Variants in CFI observed in about 807,000 individuals in gnomAD.
CFI encodes complement factor I.
CFI carries 66 observed loss-of-function variants against 78.8 expected under a neutral mutation model. The observed-to-expected ratio is 0.84, with a 90% CI of 0.69 to 1.03. CFI has a LOEUF of 1.03. Among genes scored for constraint, CFI ranks in the 50% least tolerant of loss-of-function variants. CFI has a pLI of 0.00. For missense variants in CFI, 706 were observed against 704.5 expected (o/e 1.00, Z -0.02); for synonymous variants, 250 against 232.6 (o/e 1.07, Z -0.68).
chr4:109,770,633 G>GAAAAAA (rs370657391), intron 1 of CFI, among the ~76,000 whole-genome samples: 2 of 78,304 alleles, frequency 2.6e-5, no homozygotes, highest in Non-Finnish European at 5.5e-5. Flanking sequence ...ACACAGACCA[G>GAAAAAA]AAAAAAAAAA....
In CFI at chr4:109,749,486, C is replaced by T; in HGVS notation, c.1044+13G>A. On this transcript the variant is annotated intron_variant, in intron 9 of 12. Transcript: ENST00000394634. Reference sequence around the variant, plus strand: ...TCTGGGCAGTTGCATTGTGACTTTTCATGCGACTTTACCAGTTGTGCTCGC... The same window carrying T: ...TCTGGGCAGTTGCATTGTGACTTTTTATGCGACTTTACCAGTTGTGCTCGC... 1 of 1,603,864 alleles carries T rather than the reference C, an allele frequency of 6.2e-7. No homozygotes were observed. Among genetic ancestry groups the T allele is most frequent in the East Asian group, 2.2e-5 (1 of 44,822 alleles).
intron 12 of CFI, 125 bp from the exon 13 acceptor site, chr4:109,741,235 T>A: frequency 6.5e-7 from 1 of 1,541,700 alleles, no homozygotes; most frequent in Non-Finnish European, 8.7e-7. Flanking sequence ...TAGCATGGGC[T>A]CTCCTTAGAG....
downstream of CFI, among the ~76,000 whole-genome samples, chr4:109,735,946 C>T (rs1415842231): frequency 6.6e-6 from 1 of 152,246 alleles, no homozygotes; most frequent in Non-Finnish European, 1.5e-5. Flanking sequence ...CAGGATTACA[C>T]ATGACCGTTG....
At chr4:109,770,480 C>A (rs898725511) in intron 1 of CFI, among the ~76,000 whole-genome samples, 1 of 151,372 alleles carries the variant, frequency 6.6e-6, no homozygotes, top group Admixed American at 6.6e-5. Context: ...CACTTGAACC[C>A]GGGAGGTGGA....
chr4:109,742,418 T>C (rs1723910855), intron 12 of CFI, 73 bp downstream of exon 12: 1 of 990,812 alleles, frequency 1.0e-6, no homozygotes, highest in Non-Finnish European at 1.6e-6. Flanking sequence ...TGGGGGCTGA[T>C]GTGGTGGGAG....
intron 7 of CFI, among the ~76,000 whole-genome samples, chr4:109,753,693 G>T (rs1725694244): frequency 1.8e-5 from 2 of 112,770 alleles, no homozygotes; most frequent in Non-Finnish European, 3.3e-5. Flanking sequence ...ATTATATAAT[G>T]TATAATTTTA....
intron 1 of CFI, chr4:109,793,881 C>CT (rs1731693037): frequency 3.3e-5 from 5 of 152,324 alleles, no homozygotes; most frequent in African/African-American, 1.2e-4. Context: ...CCTTCAGCCT[C>CT]TATTTATCTG....
downstream of CFI, among the ~76,000 whole-genome samples, chr4:109,736,971 T>C (rs1579140417): frequency 6.6e-6 from 1 of 152,152 alleles, no homozygotes; most frequent in African/African-American, 2.4e-5. Context: ...ATTATCCTAG[T>C]CTCAAATCCC....
chr4:109,735,675 A>G, the CFI span, among the ~76,000 whole-genome samples: 2 of 152,250 alleles, frequency 1.3e-5, no homozygotes, highest in Non-Finnish European at 2.9e-5. Context: ...AATTCCATCC[A>G]TAATGATTAA....
chr4:109,745,987 G>T (rs1175786229), intron 11 of CFI, among the ~76,000 whole-genome samples: 2 of 152,162 alleles, frequency 1.3e-5, no homozygotes, highest in African/African-American at 4.8e-5. Context: ...AAATTATGAA[G>T]AATTTCATGC....
In CFI at chr4:109,794,453, T is replaced by C. The variant is rs200385858; in HGVS notation, c.57+7462A>G. On this transcript the variant is annotated intron_variant, in intron 1 of 12. Transcript: ENST00000394634. ...ATTAGAAAATTTTTCATGTTTGTTA[T>C]TGTGCTTTTCAACTCCAGAAGTTTT... 1.8e-4 allele frequency: 27 copies of C among 152,334 alleles called. No homozygotes were observed. In the East Asian group the frequency reaches 4.0e-3, roughly 23 times the overall value. 9.4% of individuals were successfully genotyped at this position (152,334 alleles called of 1,614,324 possible).
chr4:109,780,381 C>A (rs1016879866), intron 1 of CFI, among the ~76,000 whole-genome samples: 4 of 152,074 alleles, frequency 2.6e-5, no homozygotes, highest in South Asian at 4.1e-4. Context: ...ATGCAGCCAA[C>A]AGACACATGA....
chr4:109,761,825 C>T lies in CFI; in HGVS notation c.483-133G>A, dbSNP rs1727106635. 5 of 742,562 alleles carry T rather than the reference C, an allele frequency of 6.7e-6. No individual in the cohort carries two copies. In the South Asian group the frequency reaches 7.8e-5, roughly 12 times the overall value. 46.0% of individuals were successfully genotyped at this position (742,562 alleles called of 1,614,324 possible). A position where few individuals can be genotyped will look rare whatever the true frequency, so the allele number is the denominator to read the frequency against. On this transcript the variant is annotated intron_variant, in intron 3 of 12. Coordinates refer to ENST00000394634, the MANE Select transcript of CFI (RefSeq NM_000204.5). ...TAGGAGTTACAGCTTGGGCAAGATA[C>T]CGAAACTCTGAGCCTCAGTACCTTC...
intron 7 of CFI, among the ~76,000 whole-genome samples, chr4:109,753,632 TATGTATAATTTTATATTATATATTATATA>T (rs1308838449): frequency 0.017 from 1,500 of 87,922 alleles, 12 homozygotes; most frequent in Middle Eastern, 0.029. Flanking sequence ...TTTATTATAA[TATGTATAATTTTATATTATATATTATATA>T]ATGTATAATT....
rs1177188965 is a variant in CFI at position 109,746,233 on chromosome 4, C to T, written c.1418G>A (p.Gly473Glu). ...PNDTCIVSGW[G>E]REKDNERVFS... ...TGTAAAACATATACCTTTTTCTCGTCCCCAGCCAGAAACGATGCATGTATC... is the reference window on the plus strand; with the variant it reads ...TGTAAAACATATACCTTTTTCTCGTTCCCAGCCAGAAACGATGCATGTATC... Residue 473 changes from glycine to glutamate, a missense_variant, in exon 11 of 13, where the codon GGA becomes GAA. Physicochemically the swap from Gly to Glu is moderately conservative, Grantham distance 98. Coordinates refer to ENST00000394634, the MANE Select transcript of CFI (RefSeq NM_000204.5). The T allele has an allele frequency of 1.2e-6, 2 of 1,614,070 alleles. No individual in the cohort carries two copies. The highest frequency in any genetic ancestry group is 4.5e-5 in the East Asian group (2 of 44,884).
At chr4:109,781,364 T>G (rs944641564) in intron 1 of CFI, among the ~76,000 whole-genome samples, 1 of 152,086 alleles carries the variant, frequency 6.6e-6, no homozygotes, top group African/African-American at 2.4e-5. Flanking sequence ...CAAAAGATCA[T>G]TCAAGGCTAC....
chr4:109,800,926 G>A (rs1732705885), intron 1 of CFI, among the ~76,000 whole-genome samples: 1 of 152,084 alleles, frequency 6.6e-6, no homozygotes, highest in Non-Finnish European at 1.5e-5. Context: ...TAAGCATTTA[G>A]TTATTTCCAT....
At chr4:109,737,594 C>T (rs1422238018), downstream of CFI, among the ~76,000 whole-genome samples, 13 of 152,184 alleles carry the variant, frequency 8.5e-5, no homozygotes, top group Non-Finnish European at 4.4e-5. Flanking sequence ...CACCTTCAGG[C>T]GAGCTCACAG....
At chr4:109,762,971 T>C (rs1318368686) in intron 3 of CFI, among the ~76,000 whole-genome samples, 1 of 152,122 alleles carries the variant, frequency 6.6e-6, no homozygotes, top group Non-Finnish European at 1.5e-5. Context: ...GGTAACAAAC[T>C]GCTGAAACTC....
Sources: allele counts gnomAD v4.1 joint callset (sites outside exome capture counted in the v4.1 genomes callset), GRCh38; gene constraint gnomAD v4.1.1; transcripts MANE v1.5; gene names NCBI Gene and HGNC (gene_info 2026-07-23, HGNC 2026-07-21).